SNRPC: variants seen among roughly 807,000 people sequenced by gnomAD.
The protein encoded by SNRPC is small nuclear ribonucleoprotein polypeptide C.
SNRPC carries 5 observed loss-of-function variants against 20.0 expected under a neutral mutation model. The observed-to-expected ratio is 0.25, with a 90% CI of 0.13 to 0.53. The LOEUF is 0.53. Ranked by LOEUF, SNRPC falls within the 20% of genes least tolerant of loss-of-function variation. The probability of loss-of-function intolerance (pLI) is 0.96; values close to 1 mark genes in which losing one functional copy is unlikely to be tolerated. For missense variants in SNRPC, 112 were observed against 224.1 expected (o/e 0.50, Z 3.19); for synonymous variants, 61 against 58.7 (o/e 1.04, Z -0.18).
In SNRPC at chr6:34,773,647, C is replaced by T. The variant is rs1764718978; in HGVS notation, c.*77C>T. The T allele has an allele frequency of 1.5e-6, 2 of 1,362,380 alleles. No homozygotes were observed. The highest frequency in any genetic ancestry group is 2.1e-6 in the Non-Finnish European group (2 of 972,076). 84.4% of individuals were successfully genotyped at this position (1,362,380 alleles called of 1,614,324 possible). A position where few individuals can be genotyped will look rare whatever the true frequency, so the allele number is the denominator to read the frequency against. On this transcript the variant is annotated 3_prime_UTR_variant, in exon 6 of 6. Coordinates refer to ENST00000244520, the MANE Select transcript of SNRPC (RefSeq NM_003093.3). The surrounding 1 kb of genome is among the most constrained non-coding windows in gnomAD (Gnocchi z 4.1). ...ACCAGGAGATCATGCTGCTGTGATA[C>T]TGAGTTTTCTAAACAGCATAAGGAA...
rs1764632427 is a variant in SNRPC, at chr6:34,767,835, G to A, written c.161-73G>A. On this transcript the variant is annotated intron_variant, in intron 3 of 5. Transcript: ENST00000244520. The stretch of plus-strand genomic sequence containing the variant: ...TGGAACCGTTGAAGACTTAAAGAAA[G>A]TGGTTATTTTAGTTACTGGATTGTT... 5 of 1,435,706 alleles carry A rather than the reference G, an allele frequency of 3.5e-6. No homozygotes were observed. The South Asian group carries it at 5.7e-5, about 16-fold the overall frequency. The allele number at this position is 1,435,706 out of a possible 1,614,324, so 88.9% of individuals were successfully genotyped here.
chr6:34,767,875 CTTTTTT>C (rs371572218), intron 3 of SNRPC, 27 bp from the exon 4 acceptor site: 12 of 1,343,356 alleles, frequency 8.9e-6, no homozygotes, highest in Middle Eastern at 2.3e-4. Flanking sequence ...TCTTATTCAT[CTTTTTT>C]TTTTTTTTTT....
chr6:34,766,166 G>A (rs1764610832), intron 3 of SNRPC, among the ~76,000 whole-genome samples: 1 of 152,116 alleles, frequency 6.6e-6, no homozygotes, highest in South Asian at 2.1e-4. Context: ...TCCATATGCA[G>A]CAAAATAATT....
intron 1 of SNRPC, 113 bp downstream of exon 1, chr6:34,757,664 G>A (rs1355097270): frequency 3.6e-6 from 5 of 1,390,006 alleles, no homozygotes; most frequent in South Asian, 2.4e-5. Context: ...AGAGTATCTG[G>A]GCCGGGTGGA....
chr6:34,771,581 C>G (rs988748681), intron 5 of SNRPC, among the ~76,000 whole-genome samples: 4 of 152,096 alleles, frequency 2.6e-5, no homozygotes. Flanking sequence ...AGAAGCTATT[C>G]TCTTTTCACA....
chr6:34,770,268 A>G (rs1367600654), intron 4 of SNRPC, 23 bp from the exon 5 acceptor site: 3 of 1,491,944 alleles, frequency 2.0e-6, no homozygotes, highest in Non-Finnish European at 2.8e-6. Context: ...CACCTTAACC[A>G]CAGGCTCCAT....
At chr6:34,758,118 C>T (rs989611613) in intron 2 of SNRPC, among the ~76,000 whole-genome samples, 164 bp downstream of exon 2, 1 of 152,070 alleles carries the variant, frequency 6.6e-6, no homozygotes, top group Admixed American at 6.6e-5. Context: ...CTTCCAGTAA[C>T]TTTGATTAAA....
At chr6:34,768,766 A>AAAAAG (rs1561791609) in intron 4 of SNRPC, among the ~76,000 whole-genome samples, 1 of 151,726 alleles carries the variant, frequency 6.6e-6, no homozygotes, top group South Asian at 2.1e-4. Flanking sequence ...AAAAAAAAAA[A>AAAAAG]AAAAGAAAAG....
chr6:34,764,593 G>A (rs930999226), intron 3 of SNRPC, among the ~76,000 whole-genome samples: 5 of 152,110 alleles, frequency 3.3e-5, no homozygotes, highest in Admixed American at 6.6e-5. Flanking sequence ...AACCCAGGAA[G>A]CGGAGGTTGC....
At chr6:34,761,869 G>A (rs910136425) in intron 2 of SNRPC, among the ~76,000 whole-genome samples, 2 of 151,862 alleles carry the variant, frequency 1.3e-5, no homozygotes, top group Admixed American at 1.3e-4. Flanking sequence ...CTGGAGTGTA[G>A]TGGAGTGATC....
At chr6:34,758,481 A>T (rs1298528281) in intron 2 of SNRPC, among the ~76,000 whole-genome samples, 6 of 151,900 alleles carry the variant, frequency 3.9e-5, no homozygotes, top group Non-Finnish European at 5.9e-5. Flanking sequence ...ACGCCCGGCT[A>T]ATTTTGAATT....
intron 5 of SNRPC, among the ~76,000 whole-genome samples, chr6:34,772,273 A>G (rs1056748390): frequency 2.0e-5 from 3 of 152,218 alleles, no homozygotes; most frequent in Admixed American, 2.0e-4. Context: ...AAAGGAATCT[A>G]GACTTTTGTA....
intron 3 of SNRPC, among the ~76,000 whole-genome samples, chr6:34,767,551 C>G (rs1294883186): frequency 1.3e-5 from 2 of 152,178 alleles, no homozygotes; most frequent in Non-Finnish European, 2.9e-5. Context: ...GAGGTCGAAG[C>G]TGCTGTGAGC....
chr6:34,765,614 T>TG (rs1764603050), intron 3 of SNRPC, among the ~76,000 whole-genome samples: 1 of 151,918 alleles, frequency 6.6e-6, no homozygotes, highest in South Asian at 2.1e-4. Context: ...TTTTTTTGTA[T>TG]TTTTGGTAGA....
chr6:34,772,284 T>TG (rs1452047937), intron 5 of SNRPC, among the ~76,000 whole-genome samples: 1 of 152,244 alleles, frequency 6.6e-6, no homozygotes, highest in Non-Finnish European at 1.5e-5. Flanking sequence ...GACTTTTGTA[T>TG]GAAATCCCAA....
At chr6:34,757,750 A>C in intron 1 of SNRPC, 162 bp from the exon 2 acceptor site, 1 of 1,547,140 alleles carries the variant, frequency 6.5e-7, no homozygotes, top group Non-Finnish European at 8.7e-7. Context: ...CAACAAAAAA[A>C]AGCCTGGTTT....
chr6:34,758,621 G>C (rs1021401157), intron 2 of SNRPC, among the ~76,000 whole-genome samples: 3 of 151,886 alleles, frequency 2.0e-5, no homozygotes, highest in Non-Finnish European at 4.4e-5. Flanking sequence ...AGCCAACCCC[G>C]TCTCTTAAAA....
At chr6:34,760,828 C>T (rs1006470422) in intron 2 of SNRPC, among the ~76,000 whole-genome samples, 3 of 151,872 alleles carry the variant, frequency 2.0e-5, no homozygotes, top group African/African-American at 4.8e-5. Context: ...GGGCAGATCA[C>T]GAGATCAGGA....
intron 2 of SNRPC, among the ~76,000 whole-genome samples, chr6:34,759,219 C>T (rs1764501597): frequency 6.6e-6 from 1 of 152,152 alleles, no homozygotes; most frequent in Admixed American, 6.6e-5. Context: ...AAGTGACAGG[C>T]TCACTCCATT....
Sources: gnomAD v4.1 joint callset for allele counts (sites outside exome capture counted in the v4.1 genomes callset) on GRCh38, gnomAD v4.1.1 for gene constraint, Gnocchi (gnomAD v3.1) non-coding constraint, MANE v1.5 for transcripts, NCBI Gene and HGNC (gene_info 2026-07-23, HGNC 2026-07-21) for gene names.